The following PPARGC1A variants were observed in gnomAD, a reference collection of about 807,000 sequenced individuals.
PPARGC1A encodes PPARG coactivator 1 alpha, also known as peroxisome proliferator-activated receptor gamma coactivator 1-alpha.
In PPARGC1A, 25 loss-of-function variants were observed where a neutral mutation model predicts 88.7. The observed-to-expected ratio is 0.28, with a 90% CI of 0.21 to 0.39. The LOEUF is 0.39. PPARGC1A is among the 10% of genes least tolerant of loss of function. The pLI is 1.00. For synonymous variants in PPARGC1A, 363 were observed against 355.6 expected, an observed-to-expected ratio of 1.02 and a Z score of -0.24; for missense variants, 880 against 968.7, an observed-to-expected ratio of 0.91 and a Z score of 1.22.
chr4:24,155,022 G>A, the PPARGC1A span, among the ~76,000 whole-genome samples: 1 of 152,040 alleles, frequency 6.6e-6, no homozygotes, highest in South Asian at 2.1e-4. Context: ...GTAGTGGTGA[G>A]AGTCTGGGCT....
chr4:24,187,491 G>T, the PPARGC1A span, among the ~76,000 whole-genome samples: 11 of 152,142 alleles, frequency 7.2e-5, no homozygotes, highest in Non-Finnish European at 1.2e-4. Context: ...CCCGGGTTCT[G>T]GTCCTGGTTC....
intron 1 of PPARGC1A, among the ~76,000 whole-genome samples, chr4:23,897,654 G>GC (rs2148872213): frequency 2.0e-5 from 1 of 49,786 alleles, no homozygotes; most frequent in East Asian, 2.6e-4. Flanking sequence ...GGCGCTCAGT[G>GC]TTGCTGAAAG....
the PPARGC1A span, among the ~76,000 whole-genome samples, chr4:24,231,932 G>A: frequency 6.6e-6 from 1 of 152,016 alleles, no homozygotes; most frequent in Admixed American, 6.6e-5. Context: ...ACTAGTATTT[G>A]GTCATTGTTT....
chr4:23,972,266 T>C, the PPARGC1A span, among the ~76,000 whole-genome samples: 7 of 152,184 alleles, frequency 4.6e-5, no homozygotes, highest in South Asian at 2.1e-4. Flanking sequence ...CTCTTGCCAG[T>C]AGAACAAACC....
the PPARGC1A span, among the ~76,000 whole-genome samples, chr4:24,234,677 G>C: frequency 1.3e-5 from 2 of 152,260 alleles, no homozygotes; most frequent in East Asian, 3.9e-4. Flanking sequence ...ACACTACTGT[G>C]GTTATGTGCT....
the PPARGC1A span, among the ~76,000 whole-genome samples, chr4:24,186,843 TTAAAAA>T: frequency 6.6e-6 from 1 of 151,958 alleles, no homozygotes; most frequent in African/African-American, 2.4e-5. Flanking sequence ...AATTAAAAAA[TTAAAAA>T]TAAAATTTAA....
At chr4:24,286,988 C>A in the PPARGC1A span, among the ~76,000 whole-genome samples, 1 of 152,060 alleles carries the variant, frequency 6.6e-6, no homozygotes. Flanking sequence ...TAAAAAGAAC[C>A]CCAGGATGGA....
At chr4:24,169,857 C>G in the PPARGC1A span, among the ~76,000 whole-genome samples, 1 of 152,180 alleles carries the variant, frequency 6.6e-6, no homozygotes, top group Non-Finnish European at 1.5e-5. Context: ...AAGATAATCT[C>G]TCTCCAAAGC....
At chr4:24,064,298 T>C in the PPARGC1A span, among the ~76,000 whole-genome samples, 17 of 152,256 alleles carry the variant, frequency 1.1e-4, no homozygotes, top group African/African-American at 3.4e-4. Context: ...AGCAAGTGGG[T>C]GCCTGTACAC....
At chr4:24,279,361 A>G in the PPARGC1A span, among the ~76,000 whole-genome samples, 1 of 152,226 alleles carries the variant, frequency 6.6e-6, no homozygotes, top group Non-Finnish European at 1.5e-5. Flanking sequence ...ATATGAACCT[A>G]TTAACTGATC....
At chr4:24,390,097 G>T in the PPARGC1A span, among the ~76,000 whole-genome samples, 34 of 9,138 alleles carry the variant, frequency 3.7e-3, no homozygotes, top group African/African-American at 4.2e-3. Flanking sequence ...ATGACTGAAA[G>T]AAAATTCCAA....
chr4:24,314,015 A>G, the PPARGC1A span, among the ~76,000 whole-genome samples: 10 of 152,358 alleles, frequency 6.6e-5, no homozygotes, highest in African/African-American at 2.4e-4. Context: ...ATTAAATGCA[A>G]TTGAAGAAAA....
chr4:24,238,998 A>T, the PPARGC1A span, among the ~76,000 whole-genome samples: 2 of 152,306 alleles, frequency 1.3e-5, no homozygotes, highest in Non-Finnish European at 2.9e-5. Context: ...TATATAAGCC[A>T]TTGCTATCTT....
the PPARGC1A span, among the ~76,000 whole-genome samples, chr4:24,015,714 T>C: frequency 6.6e-6 from 1 of 152,200 alleles, no homozygotes; most frequent in Non-Finnish European, 1.5e-5. Context: ...GTACTTGTCA[T>C]TTCTGGTAGA....
chr4:24,345,649 G>C, the PPARGC1A span, among the ~76,000 whole-genome samples: 1 of 152,110 alleles, frequency 6.6e-6, no homozygotes, highest in African/African-American at 2.4e-5. Context: ...AAACTTTGCT[G>C]AATTCTTTTA....
At chr4:24,191,691 A>T in the PPARGC1A span, among the ~76,000 whole-genome samples, 3 of 152,362 alleles carry the variant, frequency 2.0e-5, no homozygotes, top group Non-Finnish European at 4.4e-5. Flanking sequence ...GGAGAAAGGC[A>T]AAAAGTAATT....
chr4:23,893,550 A>G (rs1451663396), upstream of PPARGC1A, among the ~76,000 whole-genome samples: 2 of 152,192 alleles, frequency 1.3e-5, no homozygotes, highest in Non-Finnish European at 2.9e-5. Context: ...CATACATATT[A>G]TAAGAGATGT....
At chr4:24,200,917 C>T in the PPARGC1A span, among the ~76,000 whole-genome samples, 6 of 152,100 alleles carry the variant, frequency 3.9e-5, no homozygotes, top group Non-Finnish European at 8.8e-5. Flanking sequence ...TAAAACAATA[C>T]ATCAGACACT....
chr4:23,866,950 C>A (rs1712147597), intron 2 of PPARGC1A, among the ~76,000 whole-genome samples: 1 of 152,124 alleles, frequency 6.6e-6, no homozygotes, highest in Non-Finnish European at 1.5e-5. Flanking sequence ...GTAGACGGGA[C>A]TTGTTAGAAG....
Sources: allele counts gnomAD v4.1 joint callset (sites outside exome capture counted in the v4.1 genomes callset), GRCh38; gene constraint gnomAD v4.1.1; transcripts MANE v1.5; gene names NCBI Gene and HGNC (gene_info 2026-07-23, HGNC 2026-07-21).